The following DDI2 variants were observed in gnomAD, a reference collection of about 807,000 sequenced individuals.
The protein encoded by DDI2 is DDI proteasomal shuttling factor 2.
In DDI2, 5 loss-of-function variants were observed where a neutral mutation model predicts 48.1. The observed-to-expected ratio is 0.10, with a 90% confidence interval of 0.05 to 0.22. The LOEUF (loss-of-function observed/expected upper bound fraction) is 0.22. Ranked by LOEUF, DDI2 falls within the 10% of genes least tolerant of loss-of-function variation. The probability of loss-of-function intolerance (pLI) is 1.00; values close to 1 mark genes in which losing one functional copy is unlikely to be tolerated. For missense variants in DDI2, 285 were observed against 506.2 expected (o/e 0.56, Z 4.19); for synonymous variants, 205 against 183.6 (o/e 1.12, Z -0.94).
At chr1:15,632,582 T>C (rs114989817) in intron 3 of DDI2, among the ~76,000 whole-genome samples, 2,056 of 152,292 alleles carry the variant, frequency 0.014, 49 homozygotes, top group African/African-American at 0.047. Context: ...ATACATCTTA[T>C]AGCAAGCAGT....
intron 3 of DDI2, among the ~76,000 whole-genome samples, chr1:15,632,142 C>G (rs572833006): frequency 1.6e-4 from 25 of 152,266 alleles, no homozygotes; most frequent in African/African-American, 6.0e-4. Context: ...CTTTTTAGAT[C>G]CATCTGTATT....
At chr1:15,627,586 G>T (rs1309293418) in intron 2 of DDI2, among the ~76,000 whole-genome samples, 2 of 152,230 alleles carry the variant, frequency 1.3e-5, no homozygotes, top group Non-Finnish European at 2.9e-5. Context: ...GGATGTGAAT[G>T]TGTGTGTGCA....
rs1437141052 is a variant in DDI2, at chr1:15,668,719, A to T, written c.*8929A>T. On this transcript the variant is annotated 3_prime_UTR_variant, in exon 10 of 10. Transcript: ENST00000480945. ...AAAGAAGAACTAGGCTGACTGGCAA[A>T]AAGTCTTGCCAGTGGCCCTGTCACT... 6.6e-6 allele frequency: 1 copy of T among 152,218 alleles called. No individual in the cohort carries two copies. Among genetic ancestry groups the T allele is most frequent in the African/African-American group, 2.4e-5 (1 of 41,462 alleles). 9.4% of individuals were successfully genotyped at this position (152,218 alleles called of 1,614,324 possible). A position where few individuals can be genotyped will look rare whatever the true frequency, so the allele number is the denominator to read the frequency against.
chr1:15,620,870 A>G (rs933944790), intron 1 of DDI2, among the ~76,000 whole-genome samples: 4 of 152,198 alleles, frequency 2.6e-5, no homozygotes, highest in Non-Finnish European at 5.9e-5. Flanking sequence ...GAAAATTCTA[A>G]TATTTTCAGT....
chr1:15,656,437 TGA>T, intron 8 of DDI2, 178 bp from the exon 9 acceptor site: 1 of 1,475,688 alleles, frequency 6.8e-7, no homozygotes, highest in South Asian at 1.4e-5. Flanking sequence ...GTGTGTATTG[TGA>T]GAGAATGGAA....
chr1:15,617,827 C>CGGGCCTGCCCCG lies in DDI2; in HGVS notation c.138+21_138+32dup. On this transcript the variant is annotated intron_variant, in intron 1 of 9. Transcript: ENST00000480945. ...GAGCCAGGTACGCCGGGCAGCGAGCCGGGCCTGCCCCGGAGCTAAGCCCTC... is the reference window on the plus strand; with the variant it reads ...GAGCCAGGTACGCCGGGCAGCGAGCCGGGCCTGCCCCGGGGCCTGCCCCGGAGCTAAGCCCTC... 1 of 1,572,224 alleles carries CGGGCCTGCCCCG rather than the reference C, an allele frequency of 6.4e-7. No homozygotes were observed. The highest frequency in any genetic ancestry group is 8.6e-7 in the Non-Finnish European group (1 of 1,160,470).
chr1:15,651,534 G>T (rs1640183792), intron 7 of DDI2, among the ~76,000 whole-genome samples, 172 bp from the exon 8 acceptor site: 2 of 152,150 alleles, frequency 1.3e-5, no homozygotes, highest in African/African-American at 2.4e-5. Flanking sequence ...GGCCAGGCTG[G>T]TCTGGAACTC....
chr1:15,636,965 A>T (rs887603712), intron 4 of DDI2, among the ~76,000 whole-genome samples: 1 of 152,222 alleles, frequency 6.6e-6, no homozygotes, highest in African/African-American at 2.4e-5. Context: ...CCCTGGATTT[A>T]CAGTGTAGGT....
intron 6 of DDI2, among the ~76,000 whole-genome samples, chr1:15,646,946 C>G (rs1348977304): frequency 6.6e-6 from 1 of 152,092 alleles, no homozygotes; most frequent in African/African-American, 2.4e-5. Flanking sequence ...GGGCATATCT[C>G]CTGGTCTTTT....
At chr1:15,633,668 T>G (rs1274462123) in intron 4 of DDI2, 103 bp downstream of exon 4, 3 of 1,546,178 alleles carry the variant, frequency 1.9e-6, no homozygotes, top group Non-Finnish European at 2.6e-6. Flanking sequence ...GTAGCTTCTC[T>G]GTTTTGCAGT....
At chr1:15,631,676 T>C (rs1639845512) in intron 3 of DDI2, among the ~76,000 whole-genome samples, 1 of 152,332 alleles carries the variant, frequency 6.6e-6, no homozygotes, top group Non-Finnish European at 1.5e-5. Flanking sequence ...AAAGTTCCAC[T>C]GTGTTGCTTT....
intron 9 of DDI2, among the ~76,000 whole-genome samples, chr1:15,657,235 A>G (rs1352143122): frequency 6.6e-6 from 1 of 152,136 alleles, no homozygotes; most frequent in Admixed American, 6.5e-5. Flanking sequence ...TTCAGGAAGC[A>G]CTCTGCTTCC....
chr1:15,630,331 C>T lies in DDI2; in HGVS notation c.275C>T (p.Pro92Leu), dbSNP rs1341668545. The T allele has an allele frequency of 1.9e-6, 3 of 1,613,904 alleles. No individual in the cohort carries two copies. The African/African-American group carries it at 4.0e-5, about 22-fold the overall frequency. The change falls in exon 3 of 10, where the codon CCC becomes CTC. Residue 92 changes from proline (P) to leucine (L), a missense_variant. Physicochemically the swap from Pro to Leu is moderately conservative, Grantham distance 98. Around this residue, in one of 3 missense-constraint regions of DDI2, gnomAD observed 149 missense variants for 236.5 expected, o/e 0.63. Coordinates refer to ENST00000480945, the MANE Select transcript of DDI2 (RefSeq NM_032341.5). ...AATTGATTTTCCCCAACAGACTTAC[C>T]CCGAATAGATTTCAGTAGTATAGCT... ...PRPPVQFPNL[P>L]RIDFSSIAVP...
intron 5 of DDI2, among the ~76,000 whole-genome samples, chr1:15,640,274 A>AAAATGAGTAAGATG (rs1322789885): frequency 7.2e-5 from 11 of 152,238 alleles, no homozygotes; most frequent in African/African-American, 2.6e-4. Flanking sequence ...TGCTTAATAT[A>AAAATGAGTAAGATG]ATCATCTTAC....
intron 1 of DDI2, among the ~76,000 whole-genome samples, chr1:15,623,554 T>G (rs1282973632): frequency 1.2e-5 from 1 of 83,146 alleles, no homozygotes; most frequent in Admixed American, 9.4e-5. Context: ...CTACCATGCC[T>G]GGCTTATTAT....
chr1:15,640,175 C>T (rs562124174), intron 5 of DDI2, among the ~76,000 whole-genome samples: 5 of 151,888 alleles, frequency 3.3e-5, no homozygotes, highest in Admixed American at 3.3e-4. Flanking sequence ...CAGAGGTCCC[C>T]GTGTGAGTGA....
chr1:15,657,422 T>C (rs992033263), intron 9 of DDI2, among the ~76,000 whole-genome samples: 2 of 152,232 alleles, frequency 1.3e-5, no homozygotes, highest in African/African-American at 4.8e-5. Context: ...TTCTTTTCCT[T>C]GTAAGGATAG....
chr1:15,633,738 G>C (rs895735738), intron 4 of DDI2, 173 bp downstream of exon 4: 7 of 948,524 alleles, frequency 7.4e-6, no homozygotes, highest in Non-Finnish European at 1.1e-5. Flanking sequence ...TATGCATTTC[G>C]ATTTGACATG....
intron 4 of DDI2, among the ~76,000 whole-genome samples, chr1:15,636,350 A>G (rs1639928922): frequency 6.6e-6 from 1 of 152,070 alleles, no homozygotes; most frequent in Admixed American, 6.6e-5. Flanking sequence ...CGTGTCTTGA[A>G]GTCCTGGGCT....
Sources: allele counts gnomAD v4.1 joint callset (sites outside exome capture counted in the v4.1 genomes callset), GRCh38; gene constraint gnomAD v4.1.1; regional missense constraint gnomAD v4.1.1; transcripts MANE v1.5; gene names NCBI Gene and HGNC (gene_info 2026-07-23, HGNC 2026-07-21).